Variants in PRKCB observed in about 807,000 individuals in gnomAD.
The protein encoded by PRKCB is protein kinase C beta.
Under a neutral mutation model 81.5 loss-of-function variants are expected in PRKCB, and 13 were observed. The ratio of observed to expected loss-of-function variants is 0.16; its 90% confidence interval spans 0.10 to 0.25. The LOEUF (loss-of-function observed/expected upper bound fraction) is 0.25. PRKCB is among the 10% of genes least tolerant of loss of function. PRKCB has a pLI of 1.00. For missense variants in PRKCB, 509 were observed against 875.7 expected (o/e 0.58, Z 5.29); for synonymous variants, 335 against 321.4 (o/e 1.04, Z -0.45).
intron 2 of PRKCB, chr16:23,893,395 A>T (rs1963324363): frequency 6.6e-6 from 1 of 152,152 alleles, no homozygotes; most frequent in South Asian, 2.1e-4. Context: ...TTTAACAGAG[A>T]TTATGCTAGG....
chr16:23,882,436 G>A (rs1160469964), intron 2 of PRKCB, among the ~76,000 whole-genome samples: 1 of 152,046 alleles, frequency 6.6e-6, no homozygotes, highest in Non-Finnish European at 1.5e-5. Context: ...TGTTGCCCAG[G>A]CTGGTCTCAA....
At chr16:24,119,350 C>T (rs190565429) in intron 8 of PRKCB, among the ~76,000 whole-genome samples, 3 of 151,940 alleles carry the variant, frequency 2.0e-5, no homozygotes, top group African/African-American at 7.3e-5. Flanking sequence ...TCCCACCCCC[C>T]CAAAAAAGTC....
intron 5 of PRKCB, among the ~76,000 whole-genome samples, chr16:24,043,418 C>CT (rs932561411): frequency 2.2e-4 from 33 of 151,012 alleles, no homozygotes; most frequent in East Asian, 7.8e-4. Flanking sequence ...CTTTATTTTG[C>CT]TTTTTTTTTA....
Position 24,060,479 on chromosome 16 carries a change from A to G in PRKCB, c.529+24932A>G, listed in dbSNP as rs1364992563. Among the ~76,000 whole-genome samples, 7 of 152,288 alleles carry G rather than the reference A, an allele frequency of 4.6e-5. No individual in the cohort carries two copies. The East Asian group carries it at 1.4e-3, about 29-fold the overall frequency. ...GCTGAACTTCCTCCCTTATGCATGT[A>G]TCACATCTACAATGTTTCCTTGTGT... On this transcript the variant is annotated intron_variant, in intron 5 of 16. Coordinates refer to ENST00000643927, the MANE Select transcript of PRKCB (RefSeq NM_002738.7).
In PRKCB at chr16:24,219,791, A is replaced by G; in HGVS notation, c.*4975A>G. The G allele has an allele frequency of 2.1e-6, 3 of 1,417,550 alleles. No homozygotes were observed. Among genetic ancestry groups the G allele is most frequent in the Non-Finnish European group, 2.8e-6 (3 of 1,087,898 alleles). 87.8% of individuals were successfully genotyped at this position (1,417,550 alleles called of 1,614,324 possible). ...CACATTTCTATCCCCAAGCCAACAT[A>G]CAATGTGAAATGAAAGCCAGTGCGT... On this transcript the variant is annotated 3_prime_UTR_variant, in exon 17 of 17. Coordinates refer to ENST00000643927, the MANE Select transcript of PRKCB (RefSeq NM_002738.7).
chr16:24,112,054 T>C (rs190119090), intron 7 of PRKCB, among the ~76,000 whole-genome samples: 20 of 152,342 alleles, frequency 1.3e-4, no homozygotes, highest in Admixed American at 1.1e-3. Flanking sequence ...CCAGGGCTTG[T>C]GCGCTTAACC....
At chr16:24,097,011 G>A (rs1004199032) in intron 7 of PRKCB, among the ~76,000 whole-genome samples, 15 of 147,302 alleles carry the variant, frequency 1.0e-4, no homozygotes, top group African/African-American at 3.7e-4. Context: ...CCTTGTCTTG[G>A]CTCCATGTTT....
chr16:24,122,440 A>G, intron 8 of PRKCB, among the ~76,000 whole-genome samples: 1 of 137,392 alleles, frequency 7.3e-6, no homozygotes. Context: ...AGAGGATTCT[A>G]CCACGAGGCT....
intron 8 of PRKCB, among the ~76,000 whole-genome samples, chr16:24,119,600 G>T (rs141558698): frequency 6.6e-6 from 1 of 151,432 alleles, no homozygotes; most frequent in African/African-American, 2.4e-5. Flanking sequence ...AAGGTGATGG[G>T]GCAGCAGGGA....
Position 23,967,840 on chromosome 16 carries a change from A to G in PRKCB, c.206-20668A>G, listed in dbSNP as rs568933195. On this transcript the variant is annotated intron_variant, in intron 2 of 16. Coordinates refer to ENST00000643927, the MANE Select transcript of PRKCB (RefSeq NM_002738.7). ...GCTAATTTTTGTATGTTTAGTAGAG[A>G]CAGGGTTTTGCCTTGTTGGCCAGGT... Among the ~76,000 whole-genome samples the G allele has an allele frequency of 7.2e-5, 11 of 152,284 alleles. No homozygotes were observed. In the South Asian group the frequency reaches 1.9e-3, roughly 26 times the overall value.
chr16:24,080,704 G>T (rs923194822), intron 5 of PRKCB, among the ~76,000 whole-genome samples: 1 of 151,940 alleles, frequency 6.6e-6, no homozygotes, highest in South Asian at 2.1e-4. Context: ...GGAAAAATAC[G>T]GAAACTAACA....
At chr16:23,945,031 G>T (rs1390528315) in intron 2 of PRKCB, among the ~76,000 whole-genome samples, 1 of 152,170 alleles carries the variant, frequency 6.6e-6, no homozygotes, top group African/African-American at 2.4e-5. Flanking sequence ...ATTGGGGGAT[G>T]AGGAGAGAGA....
chr16:24,047,177 A>G (rs865925006), intron 5 of PRKCB, among the ~76,000 whole-genome samples: 60 of 139,794 alleles, frequency 4.3e-4, no homozygotes, highest in African/African-American at 1.6e-3. Context: ...TCTCTACTAA[A>G]AATACAAAAA....
intron 10 of PRKCB, among the ~76,000 whole-genome samples, chr16:24,161,505 G>T (rs2141958499): frequency 6.6e-6 from 1 of 152,170 alleles, no homozygotes; most frequent in South Asian, 2.1e-4. Flanking sequence ...TAATATAGTT[G>T]TTTAAGTTTT....
intron 15 of PRKCB, among the ~76,000 whole-genome samples, chr16:24,185,885 G>A (rs1967697125): frequency 6.6e-6 from 1 of 152,212 alleles, no homozygotes; most frequent in South Asian, 2.1e-4. Context: ...TCAAAGAGCT[G>A]GAAGTCATGG....
chr16:23,838,483 T>G (rs1962208435), intron 2 of PRKCB, among the ~76,000 whole-genome samples: 1 of 152,230 alleles, frequency 6.6e-6, no homozygotes, highest in Non-Finnish European at 1.5e-5. Flanking sequence ...AATTTTTCAC[T>G]CTTGGGCTTG....
chr16:24,085,060 G>A (rs1966295277), intron 5 of PRKCB, among the ~76,000 whole-genome samples: 1 of 151,252 alleles, frequency 6.6e-6, no homozygotes, highest in Non-Finnish European at 1.5e-5. Context: ...TTCCATATGG[G>A]AAGTGGTAGG....
intron 7 of PRKCB, among the ~76,000 whole-genome samples, chr16:24,107,426 G>T (rs181148924): frequency 9.2e-5 from 14 of 152,328 alleles, no homozygotes; most frequent in Admixed American, 9.1e-4. Flanking sequence ...GATAAAGGGA[G>T]ACAGGAGTCT....
At chr16:23,917,776 T>C (rs142384798) in intron 2 of PRKCB, among the ~76,000 whole-genome samples, 151 of 152,314 alleles carry the variant, frequency 9.9e-4, no homozygotes, top group Non-Finnish European at 1.9e-3. Context: ...GGATCAGATG[T>C]TTTTTGCAGT....
Sources: gnomAD v4.1 joint callset for allele counts (sites outside exome capture counted in the v4.1 genomes callset) on GRCh38, gnomAD v4.1.1 for gene constraint, MANE v1.5 for transcripts, NCBI Gene and HGNC (gene_info 2026-07-23, HGNC 2026-07-21) for gene names.